Variants in TTC7B observed in about 807,000 individuals in gnomAD.
TTC7B encodes tetratricopeptide repeat protein 7B.
A neutral mutation model predicts 106.8 loss-of-function variants in TTC7B; 28 were observed. The observed-to-expected ratio is 0.26, with a 90% CI of 0.19 to 0.36. The LOEUF is 0.36. TTC7B is among the 10% of genes least tolerant of loss of function. The pLI is 1.00. For missense variants in TTC7B, 862 were observed against 1,076.4 expected (o/e 0.80, Z 2.79); for synonymous variants, 405 against 430.6 (o/e 0.94, Z 0.74).
chr14:90,568,235 G>A (rs985382424), intron 19 of TTC7B, among the ~76,000 whole-genome samples: 5 of 152,144 alleles, frequency 3.3e-5, no homozygotes, highest in South Asian at 2.1e-4. Context: ...AGCGGGAATC[G>A]GGACCAGAAT....
chr14:90,675,009 G>C (rs1170714101), intron 9 of TTC7B: 1 of 152,340 alleles, frequency 6.6e-6, no homozygotes, highest in African/African-American at 2.4e-5. Context: ...TCTGTGCCAG[G>C]AGCAGGCACA....
chr14:90,694,093 A>C (rs1887578655), intron 6 of TTC7B, among the ~76,000 whole-genome samples: 1 of 152,218 alleles, frequency 6.6e-6, no homozygotes, highest in Admixed American at 6.5e-5. Context: ...TAAGTGAAGA[A>C]AGCCAATCAC....
chr14:90,733,946 G>A (rs1290316670), intron 4 of TTC7B, among the ~76,000 whole-genome samples: 1 of 152,094 alleles, frequency 6.6e-6, no homozygotes, highest in Admixed American at 6.6e-5. Context: ...ATCCTTAATG[G>A]AGTTATATTA....
intron 17 of TTC7B, chr14:90,602,232 G>T (rs1264049020): frequency 4.4e-6 from 2 of 455,908 alleles, no homozygotes; most frequent in African/African-American, 4.0e-5. Flanking sequence ...CATTAGTTTG[G>T]GAACACTGGG....
At chr14:90,661,724 C>G (rs1886215875) in intron 9 of TTC7B, among the ~76,000 whole-genome samples, 1 of 152,068 alleles carries the variant, frequency 6.6e-6, no homozygotes, top group Non-Finnish European at 1.5e-5. Flanking sequence ...TACTTAAACA[C>G]TAAGTACTTA....
At position 90,807,366 on chromosome 14, in the gene TTC7B, G is replaced by A. The variant is rs918808655; in HGVS notation, c.121+8809C>T. On this transcript the variant is annotated intron_variant, in intron 1 of 19. Coordinates refer to ENST00000328459, the MANE Select transcript of TTC7B (RefSeq NM_001010854.2). The surrounding 1 kb of genome is among the most constrained non-coding windows in gnomAD (Gnocchi z 4.1). ...TTCTGTCTCCCACTCGGACAACCAC[G>A]TCTAAAGTCTGGTCCTAGAACTCCG... is the stretch of plus-strand genomic sequence containing the variant. 7.2e-5 allele frequency among the ~76,000 whole-genome samples: 11 copies of A among 152,128 alleles called. No homozygotes were observed. Among genetic ancestry groups the A allele is most frequent in the African/African-American group, 1.4e-4 (6 of 41,450 alleles).
At chr14:90,671,674 C>T (rs1348118635) in intron 9 of TTC7B, among the ~76,000 whole-genome samples, 4 of 152,234 alleles carry the variant, frequency 2.6e-5, no homozygotes, top group Non-Finnish European at 5.9e-5. Context: ...AACACAAAAA[C>T]TCACAGCACT....
At chr14:90,750,925 T>C (rs77713965) in intron 3 of TTC7B, among the ~76,000 whole-genome samples, 2,487 of 152,350 alleles carry the variant, frequency 0.016, 28 homozygotes, top group Middle Eastern at 0.024. Context: ...CCCTCTGGAC[T>C]GGTCTATAAA....
rs1183365392 is a variant in TTC7B, at chr14:90,578,451, C to T, written c.2108-143G>A. ...TGATCCCTGCTCCAAGTGGAAACAG[C>T]TGCCGCTGACAGTCCCTCCTGCCCA... On this transcript the variant is annotated intron_variant, in intron 18 of 19. Transcript: ENST00000328459. The surrounding 1 kb of genome is among the most constrained non-coding windows in gnomAD (Gnocchi z 4.7). The T allele has an allele frequency of 7.3e-6, 6 of 820,934 alleles. No homozygotes were observed. The highest frequency in any genetic ancestry group is 1.6e-5 in the South Asian group (1 of 60,908). 50.9% of individuals were successfully genotyped at this position (820,934 alleles called of 1,614,324 possible). A position where few individuals can be genotyped will look rare whatever the true frequency, so the allele number is the denominator to read the frequency against.
intron 5 of TTC7B, among the ~76,000 whole-genome samples, chr14:90,711,481 G>C (rs1432764117): frequency 6.6e-6 from 1 of 152,216 alleles, no homozygotes; most frequent in African/African-American, 2.4e-5. Context: ...GAGTGCACTG[G>C]TGCAATATCA....
At chr14:90,617,104 G>A (rs903798081) in intron 16 of TTC7B, among the ~76,000 whole-genome samples, 2 of 152,190 alleles carry the variant, frequency 1.3e-5, no homozygotes, top group African/African-American at 2.4e-5. Flanking sequence ...CCTTCCCCGG[G>A]TTATCTGACT....
At chr14:90,576,738 A>G (rs923526310) in intron 19 of TTC7B, among the ~76,000 whole-genome samples, 11 of 152,212 alleles carry the variant, frequency 7.2e-5, no homozygotes, top group Admixed American at 7.2e-4. Context: ...ATGGGGCCTA[A>G]TTCCCAGTGC....
At chr14:90,556,043 G>A (rs959746304) in intron 19 of TTC7B, among the ~76,000 whole-genome samples, 6 of 152,242 alleles carry the variant, frequency 3.9e-5, no homozygotes, top group African/African-American at 1.4e-4. Flanking sequence ...GAGCGCCAGC[G>A]CAAGCACCTC....
intron 9 of TTC7B, among the ~76,000 whole-genome samples, chr14:90,659,295 G>GT (rs146985420): frequency 0.29 from 43,031 of 149,004 alleles, 6,316 homozygotes; most frequent in East Asian, 0.47. Flanking sequence ...AAGGGGAGGT[G>GT]TTTTTTTTTA....
chr14:90,627,061 C>T (rs887373261), intron 15 of TTC7B, among the ~76,000 whole-genome samples: 4 of 152,016 alleles, frequency 2.6e-5, no homozygotes, highest in African/African-American at 7.3e-5. Context: ...AGGGTCAAGA[C>T]CCTCGACCTT....
At chr14:90,583,113 C>T (rs1298449874) in intron 18 of TTC7B, among the ~76,000 whole-genome samples, 2 of 152,218 alleles carry the variant, frequency 1.3e-5, no homozygotes, top group Non-Finnish European at 2.9e-5. Flanking sequence ...TCCCCAGTAG[C>T]AGAGGTGGGG....
Position 90,577,419 on chromosome 14 carries a change from G to A in TTC7B, c.2310+687C>T, listed in dbSNP as rs187798227. Among the ~76,000 whole-genome samples the A allele has an allele frequency of 2.0e-3, 306 of 152,354 alleles. 2 individuals are homozygous for A. Among genetic ancestry groups the A allele is most frequent in the South Asian group, 5.0e-3 (24 of 4,832 alleles). ...TGAAACCGACACGGCCAGGTGGCCG[G>A]CTCCAGGGTCTCTCAAGAATGATCC... is the stretch of plus-strand genomic sequence containing the variant. On this transcript the variant is annotated intron_variant, in intron 19 of 19. Coordinates refer to ENST00000328459, the MANE Select transcript of TTC7B (RefSeq NM_001010854.2). This position sits in a 1 kb window ranked among gnomAD's most constrained non-coding sequence, Gnocchi z 5.0.
At chr14:90,583,603 C>T (rs1175550146) in intron 18 of TTC7B, among the ~76,000 whole-genome samples, 3 of 152,202 alleles carry the variant, frequency 2.0e-5, no homozygotes, top group Non-Finnish European at 4.4e-5. Flanking sequence ...CACACTTCAG[C>T]GCAAGGTCAG....
In TTC7B at chr14:90,793,909, T is replaced by C. The variant is rs555038975; in HGVS notation, c.122-7581A>G. Among the ~76,000 whole-genome samples the C allele has an allele frequency of 1.0e-4, 15 of 147,904 alleles. No individual in the cohort carries two copies. The South Asian group carries it at 3.3e-3, about 32-fold the overall frequency. On this transcript the variant is annotated intron_variant, in intron 1 of 19. Coordinates refer to ENST00000328459, the MANE Select transcript of TTC7B (RefSeq NM_001010854.2). ...AGGCGTGAGCCACCGCGCCCGGCCT[T>C]GTTTGTTTTCTTCGAAACAGTCTCA... is the stretch of plus-strand genomic sequence containing the variant.
Sources: gnomAD v4.1 joint callset for allele counts (sites outside exome capture counted in the v4.1 genomes callset) on GRCh38, gnomAD v4.1.1 for gene constraint, Gnocchi (gnomAD v3.1) non-coding constraint, MANE v1.5 for transcripts, NCBI Gene and HGNC (gene_info 2026-07-23, HGNC 2026-07-21) for gene names.